PAPPA2: variants seen among roughly 807,000 people sequenced by gnomAD.
The protein encoded by PAPPA2 is pappalysin 2.
A neutral mutation model predicts 176.4 loss-of-function variants in PAPPA2; 86 were observed. The ratio of observed to expected loss-of-function variants is 0.49; its 90% CI spans 0.41 to 0.58. PAPPA2 has a LOEUF of 0.58. PAPPA2 is among the 20% of genes least tolerant of loss of function. The pLI, the probability that PAPPA2 is intolerant of heterozygous loss-of-function variation, is 0.00. For synonymous variants in PAPPA2, 809 were observed against 852.2 expected (o/e 0.95, Z 0.88); for missense variants, 2,073 against 2,256.9 (o/e 0.92, Z 1.65).
chr1:176,795,321 C>A (rs1271444988), intron 20 of PAPPA2, among the ~76,000 whole-genome samples: 1 of 152,122 alleles, frequency 6.6e-6, no homozygotes, highest in Admixed American at 6.5e-5. Flanking sequence ...ATGCGGGATT[C>A]ATTTCATCTT....
intron 3 of PAPPA2, among the ~76,000 whole-genome samples, chr1:176,656,273 G>T (rs908428999): frequency 2.0e-5 from 3 of 151,804 alleles, no homozygotes; most frequent in African/African-American, 7.3e-5. Context: ...ATATTGCTCT[G>T]CTGTAGAATC....
chr1:176,660,192 C>G (rs1658279850), intron 3 of PAPPA2, among the ~76,000 whole-genome samples: 1 of 152,032 alleles, frequency 6.6e-6, no homozygotes, highest in African/African-American at 2.4e-5. Context: ...GTGTTTGTGC[C>G]TAGGATTGCA....
At chr1:176,541,731 C>T (rs1229683752) in intron 1 of PAPPA2, among the ~76,000 whole-genome samples, 2 of 152,114 alleles carry the variant, frequency 1.3e-5, no homozygotes, top group Admixed American at 6.5e-5. Flanking sequence ...TATACATTCC[C>T]AAGAAGGCAG....
intron 3 of PAPPA2, among the ~76,000 whole-genome samples, chr1:176,650,415 A>AT (rs2102741716): frequency 6.7e-6 from 1 of 148,240 alleles, no homozygotes; most frequent in South Asian, 2.1e-4. Flanking sequence ...TTATTTATTT[A>AT]TTTTATTATA....
intron 4 of PAPPA2, among the ~76,000 whole-genome samples, chr1:176,687,858 G>A (rs1015085291): frequency 2.0e-5 from 3 of 152,038 alleles, no homozygotes; most frequent in Non-Finnish European, 4.4e-5. Flanking sequence ...AAATAAGTTT[G>A]TAAAGCAAAG....
At chr1:176,587,925 GT>G (rs889851197) in intron 2 of PAPPA2, among the ~76,000 whole-genome samples, 1 of 151,940 alleles carries the variant, frequency 6.6e-6, no homozygotes, top group African/African-American at 2.4e-5. Context: ...ATTTAAAATA[GT>G]TTTTTTTCTA....
At chr1:176,795,536 A>G (rs1392612122) in intron 20 of PAPPA2, among the ~76,000 whole-genome samples, 1 of 152,224 alleles carries the variant, frequency 6.6e-6, no homozygotes, top group Non-Finnish European at 1.5e-5. Flanking sequence ...ATGTTTTGCA[A>G]AGTAGTAGTC....
intron 3 of PAPPA2, among the ~76,000 whole-genome samples, chr1:176,641,328 A>G (rs1657075202): frequency 6.6e-6 from 1 of 152,032 alleles, no homozygotes. Flanking sequence ...TTTAGGTCTA[A>G]TATTTAAGTC....
Position 176,556,948 on chromosome 1 carries a change from G to A in PAPPA2, c.626G>A (p.Gly209Glu), listed in dbSNP as rs772624285. The change falls in exon 2 of 23, where the codon GGG becomes GAG. Residue 209 changes from glycine (G) to glutamate (E), a missense_variant. Gly to Glu is a moderately conservative substitution (Grantham distance 98). Transcript: ENST00000367662. ...RQVWKRRAEDGQGDSGISSHF... is the reference protein window; with the variant it reads ...RQVWKRRAEDEQGDSGISSHF... ...GTGTGGAAGAGGCGGGCGGAAGATGGGCAGGGAGACTCCGGTATCTCTTCA... is the reference window on the plus strand; with the variant it reads ...GTGTGGAAGAGGCGGGCGGAAGATGAGCAGGGAGACTCCGGTATCTCTTCA... 5 of 1,614,058 alleles carry A rather than the reference G, an allele frequency of 3.1e-6. No individual in the cohort carries two copies. Among genetic ancestry groups the A allele is most frequent in the Non-Finnish European group, 4.2e-6 (5 of 1,179,992 alleles).
intron 2 of PAPPA2, among the ~76,000 whole-genome samples, chr1:176,574,838 A>G (rs1652555388): frequency 6.6e-6 from 1 of 152,190 alleles, no homozygotes; most frequent in African/African-American, 2.4e-5. Flanking sequence ...ATGTTTAGGT[A>G]TGTTTAGATA....
Position 176,556,577 on chromosome 1 carries a change from G to A in PAPPA2, c.255G>A (p.Gly85=). The change falls in exon 2 of 23, where the codon GGG becomes GGA. Residue 85 remains glycine (G), a synonymous_variant. Transcript: ENST00000367662. ...AGNYLRPYPV[G]EQEIHHTGRS... ...ACTACCTAAGGCCCTACCCCGTGGG[G>A]GAGCAAGAAATCCATCATACAGGAC... 1 of 1,614,192 alleles carries A rather than the reference G, an allele frequency of 6.2e-7. No homozygotes were observed. The highest frequency in any genetic ancestry group is 8.5e-7 in the Non-Finnish European group (1 of 1,180,038).
intron 12 of PAPPA2, among the ~76,000 whole-genome samples, chr1:176,723,757 T>TA (rs1661732574): frequency 6.6e-6 from 1 of 152,174 alleles, no homozygotes; most frequent in Non-Finnish European, 1.5e-5. Context: ...TCTTTTCTTC[T>TA]AATCTTGAGC....
intron 1 of PAPPA2, among the ~76,000 whole-genome samples, chr1:176,469,204 T>C (rs1341983092): frequency 6.6e-6 from 1 of 152,232 alleles, no homozygotes; most frequent in Non-Finnish European, 1.5e-5. Context: ...GAAAATACTT[T>C]TCCTTCTTCA....
chr1:176,474,140 A>C (rs1652008485), intron 1 of PAPPA2, among the ~76,000 whole-genome samples: 3 of 152,230 alleles, frequency 2.0e-5, no homozygotes, highest in Admixed American at 6.5e-5. Flanking sequence ...AGCTGTGTCT[A>C]GTAGTAAGAA....
In PAPPA2 at chr1:176,695,808, T is replaced by C. The variant is rs761827030; in HGVS notation, c.2695T>C (p.Ser899Pro). The change falls in exon 7 of 23, where the codon TCC (serine) becomes CCC (proline). Residue 899 changes from serine to proline, a missense_variant. Physicochemically the swap from Ser to Pro is moderately conservative, Grantham distance 74. Transcript: ENST00000367662. ...TFRQYVHTAS[S>P]RRVCDSSGYW... The stretch of plus-strand genomic sequence containing the variant: ...TCGTCAGTATGTGCACACAGCTTCC[T>C]CCCGGCGGGTGTGTGACTCCTCAGG... 2 of 1,614,060 alleles carry C rather than the reference T, an allele frequency of 1.2e-6. No homozygotes were observed. The highest frequency in any genetic ancestry group is 1.7e-6 in the Non-Finnish European group (2 of 1,180,012).
In PAPPA2 at chr1:176,814,857, G is replaced by A. The variant is rs557190708; in HGVS notation, c.5202+14725G>A. Among the ~76,000 whole-genome samples, 14 of 152,338 alleles carry A rather than the reference G, an allele frequency of 9.2e-5. No homozygotes were observed. In the South Asian group the frequency reaches 2.7e-3, roughly 29 times the overall value. On this transcript the variant is annotated intron_variant, in intron 21 of 22. Transcript: ENST00000367662. ...TGGTGAGAGAAGGCATCCTTGTCTT[G>A]TGCTGGTTTTCAAGGGGAATGCTTC... is the stretch of plus-strand genomic sequence containing the variant.
At chr1:176,495,190 A>G (rs561980630) in intron 1 of PAPPA2, among the ~76,000 whole-genome samples, 1 of 152,308 alleles carries the variant, frequency 6.6e-6, no homozygotes, top group South Asian at 2.1e-4. Context: ...TGCCTCATAT[A>G]TATTACTTAA....
At chr1:176,834,919 T>C (rs1040460) in intron 21 of PAPPA2, among the ~76,000 whole-genome samples, 14,628 of 152,108 alleles carry the variant, frequency 0.096, 842 homozygotes, top group African/African-American at 0.15. Context: ...TGCAGTGAGC[T>C]GAGATCATGC....
At chr1:176,691,225 AT>A in intron 5 of PAPPA2, 1 of 951,000 alleles carries the variant, frequency 1.1e-6, no homozygotes, top group Non-Finnish European at 1.3e-6. Flanking sequence ...GAAAGAAGAT[AT>A]TTTTTCTATA....
Sources: gnomAD v4.1 joint callset for allele counts (sites outside exome capture counted in the v4.1 genomes callset) on GRCh38, gnomAD v4.1.1 for gene constraint, MANE v1.5 for transcripts, NCBI Gene and HGNC (gene_info 2026-07-23, HGNC 2026-07-21) for gene names.